ADAMTS12: variants seen among roughly 807,000 people sequenced by gnomAD.
ADAMTS12 encodes the protein ADAM metallopeptidase with thrombospondin type 1 motif 12.
Under a neutral mutation model 167.8 loss-of-function variants are expected in ADAMTS12, and 118 were observed. That is an observed-to-expected ratio of 0.70 (90% CI 0.61 to 0.82). ADAMTS12 has a LOEUF of 0.82. ADAMTS12 is among the 40% of genes least tolerant of loss of function. The probability of loss-of-function intolerance (pLI) is 0.00; values close to 1 mark genes in which losing one functional copy is unlikely to be tolerated. For missense variants in ADAMTS12, 1,916 were observed against 1,998.8 expected, an observed-to-expected ratio of 0.96 and a Z score of 0.79; for synonymous variants, 704 against 716.9, an observed-to-expected ratio of 0.98 and a Z score of 0.29.
intron 12 of ADAMTS12, among the ~76,000 whole-genome samples, chr5:33,632,570 TG>T (rs1414489049): frequency 6.6e-6 from 1 of 152,168 alleles, no homozygotes; most frequent in Non-Finnish European, 1.5e-5. Flanking sequence ...GTCAAGACTC[TG>T]GGACAAAGCG....
At position 33,753,760 on chromosome 5, in the gene ADAMTS12, C is replaced by T. The variant is rs150382071; in HGVS notation, c.490-2212G>A. Among the ~76,000 whole-genome samples the T allele has an allele frequency of 1.2e-3, 183 of 152,298 alleles. 1 individual carries two copies. Among genetic ancestry groups the T allele is most frequent in the African/African-American group, 4.2e-3 (175 of 41,566 alleles). ...TAAGAAAGCCTGAGAACCAAACCAG[C>T]ATCTTCCTAAAGGCTTACTCCATTT... On this transcript the variant is annotated intron_variant, in intron 2 of 23. Transcript: ENST00000504830.
intron 5 of ADAMTS12, among the ~76,000 whole-genome samples, chr5:33,682,382 T>A (rs1239032919): frequency 1.3e-5 from 2 of 152,138 alleles, no homozygotes; most frequent in African/African-American, 4.8e-5. Flanking sequence ...CAGGTGGAGA[T>A]TTCAAGTACT....
chr5:33,548,624 G>A (rs1745098207), intron 21 of ADAMTS12, among the ~76,000 whole-genome samples: 1 of 151,760 alleles, frequency 6.6e-6, no homozygotes, highest in African/African-American at 2.4e-5. Flanking sequence ...CTTCACCAAA[G>A]AACTTCATCA....
intron 3 of ADAMTS12, among the ~76,000 whole-genome samples, chr5:33,730,296 G>GTGTGTGTGTGTGTA (rs1265231074): frequency 8.8e-5 from 13 of 147,294 alleles, no homozygotes; most frequent in Admixed American, 8.7e-4. Context: ...TAGGGTGTGT[G>GTGTGTGTGTGTGTA]TGTGTGTGTG....
At chr5:33,571,975 C>A (rs1471156624) in intron 19 of ADAMTS12, among the ~76,000 whole-genome samples, 4 of 152,188 alleles carry the variant, frequency 2.6e-5, no homozygotes, top group African/African-American at 9.6e-5. Context: ...AACACCTCTA[C>A]ACAAATAAAT....
intron 11 of ADAMTS12, among the ~76,000 whole-genome samples, chr5:33,639,131 A>G (rs1740335395): frequency 6.6e-6 from 1 of 152,216 alleles, no homozygotes; most frequent in Admixed American, 6.5e-5. Context: ...TTATCTCACA[A>G]GTTGTATTGC....
rs145848558 is a variant in ADAMTS12, at chr5:33,742,194, T to G, written c.634+9210A>C. Among the ~76,000 whole-genome samples, 379 of 152,228 alleles carry G rather than the reference T, an allele frequency of 2.5e-3. 2 individuals carry two copies. Among genetic ancestry groups the G allele is most frequent in the African/African-American group, 8.7e-3 (363 of 41,536 alleles). On this transcript the variant is annotated intron_variant, in intron 3 of 23. Coordinates refer to ENST00000504830, the MANE Select transcript of ADAMTS12 (RefSeq NM_030955.4). ...TAATTAAAGGTCTTAACTTTCTCATTTTTGGCTTACTGGCCCAAAAAGTGC... is the reference window on the plus strand; with the variant it reads ...TAATTAAAGGTCTTAACTTTCTCATGTTTGGCTTACTGGCCCAAAAAGTGC...
At chr5:33,718,305 C>CA (rs1189058352) in intron 3 of ADAMTS12, among the ~76,000 whole-genome samples, 3 of 152,132 alleles carry the variant, frequency 2.0e-5, no homozygotes, top group Non-Finnish European at 2.9e-5. Flanking sequence ...GCAGGGGCCC[C>CA]AACCTCCAGG....
chr5:33,771,727 G>A (rs1444752603), intron 2 of ADAMTS12, among the ~76,000 whole-genome samples: 2 of 150,860 alleles, frequency 1.3e-5, no homozygotes, highest in African/African-American at 4.9e-5. Flanking sequence ...ATTGTATATT[G>A]TATATAATAT....
At position 33,661,916 on chromosome 5, in the gene ADAMTS12, C is replaced by G; in HGVS notation, c.1040G>C (p.Arg347Thr). 1.9e-6 allele frequency: 3 copies of G among 1,613,206 alleles called. No individual in the cohort carries two copies. The highest frequency in any genetic ancestry group is 2.5e-6 in the Non-Finnish European group (3 of 1,179,468). ...VHHDVAVLLT[R>T]KDICAGFNRP... ...GGGTTTCATGTAGTCTCTGGTGTAC[C>G]TGGTGAGAAGGACAGCCACGTCGTG... Residue 347 changes from arginine (R) to threonine (T), a missense_variant and splice_region_variant, in exon 6 of 24, where the codon AGA (arginine) becomes ACA (threonine). Physicochemically the swap from Arg to Thr is moderately conservative, Grantham distance 71. Coordinates refer to ENST00000504830, the MANE Select transcript of ADAMTS12 (RefSeq NM_030955.4).
intron 3 of ADAMTS12, among the ~76,000 whole-genome samples, chr5:33,724,092 T>G (rs554880482): frequency 6.6e-6 from 1 of 152,360 alleles, no homozygotes; most frequent in African/African-American, 2.4e-5. Context: ...CCTATGCTGT[T>G]GACCAACAGT....
At chr5:33,609,075 G>A (rs1374016108) in intron 16 of ADAMTS12, among the ~76,000 whole-genome samples, 1 of 152,076 alleles carries the variant, frequency 6.6e-6, no homozygotes, top group Admixed American at 6.5e-5. Flanking sequence ...TTAAAATAAG[G>A]TATTAAAATA....
At chr5:33,768,212 G>A (rs112734943) in intron 2 of ADAMTS12, among the ~76,000 whole-genome samples, 8 of 152,228 alleles carry the variant, frequency 5.3e-5, no homozygotes, top group African/African-American at 1.4e-4. Flanking sequence ...CCTGGCCTCC[G>A]GTTCCAACTG....
chr5:33,610,697 A>G (rs1738686717), intron 16 of ADAMTS12, among the ~76,000 whole-genome samples: 1 of 152,256 alleles, frequency 6.6e-6, no homozygotes, highest in African/African-American at 2.4e-5. Context: ...AGAAATATTT[A>G]TAGCTGCAAA....
chr5:33,570,395 C>G (rs1746262944), intron 19 of ADAMTS12, among the ~76,000 whole-genome samples: 4 of 152,312 alleles, frequency 2.6e-5, no homozygotes, highest in Admixed American at 2.6e-4. Flanking sequence ...AACAGTGGAT[C>G]TCTCGGCAGA....
At chr5:33,557,712 G>A (rs1229338614) in intron 20 of ADAMTS12, among the ~76,000 whole-genome samples, 1 of 152,160 alleles carries the variant, frequency 6.6e-6, no homozygotes, top group Admixed American at 6.5e-5. Flanking sequence ...ATGTATGCCA[G>A]GGATCCCCAA....
intron 2 of ADAMTS12, among the ~76,000 whole-genome samples, chr5:33,803,980 G>A (rs556089502): frequency 6.6e-6 from 1 of 152,294 alleles, no homozygotes; most frequent in African/African-American, 2.4e-5. Flanking sequence ...CAAGAGCCTA[G>A]CTGTGCTGCC....
At position 33,873,629 on chromosome 5, in the gene ADAMTS12, G is replaced by A. The variant is rs1750123021; in HGVS notation, c.489+7490C>T. On this transcript the variant is annotated intron_variant, in intron 2 of 23. Transcript: ENST00000504830. The stretch of plus-strand genomic sequence containing the variant: ...GCCAATACAGAATGCAAGGAGAAGT[G>A]GAGAACTGACACTATCGGACTTCAA... 2.6e-5 allele frequency among the ~76,000 whole-genome samples: 4 copies of A among 152,086 alleles called. No individual in the cohort carries two copies. The South Asian group carries it at 8.3e-4, about 32-fold the overall frequency.
Position 33,782,492 on chromosome 5 carries a change from G to C in ADAMTS12, c.490-30944C>G, listed in dbSNP as rs533785090. ...ATAAACACTCAATTCAAAAAACAGA[G>C]ATTGTCATATAAAATAAAAAAGTAA... On this transcript the variant is annotated intron_variant, in intron 2 of 23. Coordinates refer to ENST00000504830, the MANE Select transcript of ADAMTS12 (RefSeq NM_030955.4). Among the ~76,000 whole-genome samples, 5 of 152,042 alleles carry C rather than the reference G, an allele frequency of 3.3e-5. No homozygotes were observed. The East Asian group carries it at 9.6e-4, about 29-fold the overall frequency.
Sources: gnomAD v4.1 joint callset for allele counts (sites outside exome capture counted in the v4.1 genomes callset) on GRCh38, gnomAD v4.1.1 for gene constraint, MANE v1.5 for transcripts, NCBI Gene and HGNC (gene_info 2026-07-23, HGNC 2026-07-21) for gene names.